The following NR3C2 variants were observed in gnomAD, a reference collection of about 807,000 sequenced individuals.
NR3C2 encodes the protein nuclear receptor subfamily 3 group C member 2.
Under a neutral mutation model 86.4 loss-of-function variants are expected in NR3C2, and 15 were observed. That is an observed-to-expected ratio of 0.17 (90% CI 0.12 to 0.27). The LOEUF (loss-of-function observed/expected upper bound fraction) is 0.27, where lower values mean the gene tolerates loss of function less well. NR3C2 is among the 10% of genes least tolerant of loss of function. NR3C2 has a pLI of 1.00. For synonymous variants in NR3C2, 458 were observed against 450.5 expected, an observed-to-expected ratio of 1.02 and a Z score of -0.21; for missense variants, 960 against 1,195.6, an observed-to-expected ratio of 0.80 and a Z score of 2.91.
intron 2 of NR3C2, among the ~76,000 whole-genome samples, chr4:148,312,759 C>A (rs1742965939): frequency 6.6e-6 from 1 of 152,080 alleles, no homozygotes; most frequent in Non-Finnish European, 1.5e-5. Flanking sequence ...GGCATTTTTC[C>A]AAGCAAATAA....
chr4:148,335,743 A>C (rs1193966841), intron 2 of NR3C2, among the ~76,000 whole-genome samples: 1 of 150,934 alleles, frequency 6.6e-6, no homozygotes, highest in African/African-American at 2.5e-5. Context: ...CATTTTTGCT[A>C]TGTGTCTAAA....
chr4:148,136,985 T>A (rs1389476514), intron 6 of NR3C2, among the ~76,000 whole-genome samples: 1 of 152,226 alleles, frequency 6.6e-6, no homozygotes, highest in Non-Finnish European at 1.5e-5. Flanking sequence ...ATAGTTTCAA[T>A]ATTTACTACT....
In NR3C2 at chr4:148,080,022, T is replaced by G. The variant is rs1489663347; in HGVS notation, c.*1322A>C. On this transcript the variant is annotated 3_prime_UTR_variant, in exon 9 of 9. Transcript: ENST00000358102. ...TTTCTAAAATGGGAGGAAAAGATGCTCTCTGAGCCATCAAGTTCCCAGTCT... is the reference window on the plus strand; with the variant it reads ...TTTCTAAAATGGGAGGAAAAGATGCGCTCTGAGCCATCAAGTTCCCAGTCT... The G allele has an allele frequency of 6.6e-6, 1 of 152,156 alleles. No homozygotes were observed. The highest frequency in any genetic ancestry group is 6.5e-5 in the Admixed American group (1 of 15,280). The allele number at this position is 152,156 out of a possible 1,614,324, so 9.4% of individuals were successfully genotyped here. A position where few individuals can be genotyped will look rare whatever the true frequency, so the allele number is the denominator to read the frequency against.
At chr4:148,414,968 T>G (rs1249870000) in intron 2 of NR3C2, among the ~76,000 whole-genome samples, 3 of 152,234 alleles carry the variant, frequency 2.0e-5, no homozygotes, top group Admixed American at 6.5e-5. Flanking sequence ...TAAAACAGTT[T>G]TTCATGATAT....
At chr4:148,325,974 C>T (rs957000615) in intron 2 of NR3C2, among the ~76,000 whole-genome samples, 5 of 152,114 alleles carry the variant, frequency 3.3e-5, no homozygotes, top group Non-Finnish European at 7.4e-5. Context: ...TGTTTGGAGA[C>T]AAAATAATTT....
intron 3 of NR3C2, among the ~76,000 whole-genome samples, chr4:148,200,064 A>C (rs1024814225): frequency 1.1e-4 from 17 of 152,230 alleles, no homozygotes; most frequent in African/African-American, 4.1e-4. Context: ...CAGGTGTTCC[A>C]CACAAAGAAT....
chr4:148,093,026 G>A lies in NR3C2; in HGVS notation c.2800-11527C>T, dbSNP rs542915763. Among the ~76,000 whole-genome samples, 73 of 152,298 alleles carry A rather than the reference G, an allele frequency of 4.8e-4. 1 individual carries two copies. The South Asian group carries it at 0.012, about 25-fold the overall frequency. On this transcript the variant is annotated intron_variant, in intron 8 of 8. Coordinates refer to ENST00000358102, the MANE Select transcript of NR3C2 (RefSeq NM_000901.5). Reference sequence around the variant, plus strand: ...AATTACAATCAGCAATAAGAGTCCCGCATTGTTAGAAATCAGAGGAAGATT... The same window carrying A: ...AATTACAATCAGCAATAAGAGTCCCACATTGTTAGAAATCAGAGGAAGATT...
intron 2 of NR3C2, among the ~76,000 whole-genome samples, chr4:148,378,082 C>A (rs1201858306): frequency 6.6e-6 from 1 of 152,146 alleles, no homozygotes; most frequent in Admixed American, 6.5e-5. Context: ...GGTTCCTTCA[C>A]ATGAGCCATA....
At chr4:148,268,139 C>T (rs1475745639) in intron 2 of NR3C2, among the ~76,000 whole-genome samples, 1 of 152,016 alleles carries the variant, frequency 6.6e-6, no homozygotes, top group East Asian at 1.9e-4. Flanking sequence ...TGAGGTTTCA[C>T]CATCTTGGCC....
chr4:148,168,287 C>G (rs1039740723), intron 4 of NR3C2, among the ~76,000 whole-genome samples: 1 of 152,210 alleles, frequency 6.6e-6, no homozygotes, highest in African/African-American at 2.4e-5. Flanking sequence ...CTAATCTCCC[C>G]CTGCCCCAAA....
At chr4:148,300,906 C>G (rs1383146136) in intron 2 of NR3C2, among the ~76,000 whole-genome samples, 1 of 151,998 alleles carries the variant, frequency 6.6e-6, no homozygotes, top group Non-Finnish European at 1.5e-5. Flanking sequence ...AATGAGAGGC[C>G]CTAAGATAAT....
At chr4:148,201,934 T>C (rs1166848027) in intron 3 of NR3C2, among the ~76,000 whole-genome samples, 1 of 152,116 alleles carries the variant, frequency 6.6e-6, no homozygotes, top group Non-Finnish European at 1.5e-5. Flanking sequence ...GAGTTAGATA[T>C]GAGATATGAA....
intron 3 of NR3C2, among the ~76,000 whole-genome samples, chr4:148,259,554 C>A (rs1328227313): frequency 6.6e-6 from 1 of 152,200 alleles, no homozygotes; most frequent in Non-Finnish European, 1.5e-5. Flanking sequence ...ACACAAATCA[C>A]AGACTTGATT....
chr4:148,388,741 T>C (rs766121685), intron 2 of NR3C2, among the ~76,000 whole-genome samples: 14 of 152,172 alleles, frequency 9.2e-5, no homozygotes, highest in Non-Finnish European at 2.1e-4. Context: ...AATAAAAGGG[T>C]AATAAGTGAG....
At position 148,435,280 on chromosome 4, in the gene NR3C2, A is replaced by C; in HGVS notation, c.1581T>G (p.Ile527Met). The part of the protein sequence containing the change: ...NSGGQSFHYR[I>M]GAQGTISLSR... ...ATAAAGATATTGTACCTTGAGCACC[A>C]ATCCTGTAGTGGAAGGACTGTCCAC... Residue 527 changes from isoleucine (I) to methionine (M), a missense_variant, in exon 2 of 9, where the codon ATT becomes ATG. Coordinates refer to ENST00000358102, the MANE Select transcript of NR3C2 (RefSeq NM_000901.5). 1 of 1,614,176 alleles carries C rather than the reference A, an allele frequency of 6.2e-7. No individual in the cohort carries two copies.
intron 2 of NR3C2, among the ~76,000 whole-genome samples, chr4:148,371,870 T>G (rs576271347): frequency 2.0e-5 from 3 of 152,260 alleles, no homozygotes; most frequent in South Asian, 4.1e-4. Context: ...AAAATTAGAA[T>G]GAGTAGAGGG....
chr4:148,103,071 C>T (rs1345206183), intron 8 of NR3C2, among the ~76,000 whole-genome samples: 1 of 152,168 alleles, frequency 6.6e-6, no homozygotes, highest in Non-Finnish European at 1.5e-5. Context: ...CTTCTCCCTC[C>T]CTTGGGATGT....
At chr4:148,337,055 A>G (rs557023156) in intron 2 of NR3C2, among the ~76,000 whole-genome samples, 1 of 152,202 alleles carries the variant, frequency 6.6e-6, no homozygotes, top group South Asian at 2.1e-4. Flanking sequence ...GTGGCCTCCC[A>G]AAGTGCTGGG....
At chr4:148,328,862 G>A (rs569262133) in intron 2 of NR3C2, among the ~76,000 whole-genome samples, 1 of 152,154 alleles carries the variant, frequency 6.6e-6, no homozygotes, top group Non-Finnish European at 1.5e-5. Flanking sequence ...GAGTCCAGAT[G>A]AATTCTTGGT....
Sources: allele counts gnomAD v4.1 joint callset (sites outside exome capture counted in the v4.1 genomes callset), GRCh38; gene constraint gnomAD v4.1.1; transcripts MANE v1.5; gene names NCBI Gene and HGNC (gene_info 2026-07-23, HGNC 2026-07-21).